PTPRJ: variants seen among roughly 807,000 people sequenced by gnomAD.
PTPRJ encodes receptor-type tyrosine-protein phosphatase eta.
Under a neutral mutation model 141.3 loss-of-function variants are expected in PTPRJ, and 129 were observed. That is an observed-to-expected ratio of 0.91 (90% CI 0.79 to 1.06). PTPRJ has a LOEUF of 1.06. PTPRJ is among the 50% of genes least tolerant of loss of function. The probability of loss-of-function intolerance (pLI) is 0.00; values close to 1 mark genes in which losing one functional copy is unlikely to be tolerated. For synonymous variants in PTPRJ, 610 were observed against 640.5 expected (o/e 0.95, Z 0.72); for missense variants, 1,601 against 1,679.7 (o/e 0.95, Z 0.82).
chr11:48,099,140 T>C (rs1288858259), intron 1 of PTPRJ, among the ~76,000 whole-genome samples: 1 of 152,180 alleles, frequency 6.6e-6, no homozygotes, highest in Admixed American at 6.5e-5. Flanking sequence ...CTAGACCACA[T>C]GGTCCCTGCT....
At chr11:48,104,229 G>C (rs958461576) in intron 1 of PTPRJ, among the ~76,000 whole-genome samples, 1 of 152,248 alleles carries the variant, frequency 6.6e-6, no homozygotes, top group African/African-American at 2.4e-5. Context: ...GGAAGCTTTT[G>C]GGTGTTCCTT....
chr11:48,121,409 G>A, intron 4 of PTPRJ, 143 bp downstream of exon 4: 1 of 942,524 alleles, frequency 1.1e-6, no homozygotes, highest in Non-Finnish European at 1.6e-6. Context: ...GTTGTTTCAA[G>A]CCTGGGATTT....
chr11:48,106,228 T>C (rs909806853), intron 1 of PTPRJ, among the ~76,000 whole-genome samples: 5 of 151,946 alleles, frequency 3.3e-5, no homozygotes, highest in Admixed American at 2.0e-4. Flanking sequence ...AAATGAGGGG[T>C]TATAGGTCGA....
chr11:48,073,430 T>C (rs1405427805), intron 1 of PTPRJ, among the ~76,000 whole-genome samples: 1 of 152,228 alleles, frequency 6.6e-6, no homozygotes, highest in East Asian at 1.9e-4. Flanking sequence ...CATGAACTGC[T>C]TACCTCAGTT....
intron 1 of PTPRJ, among the ~76,000 whole-genome samples, chr11:48,063,242 C>T (rs184712903): frequency 7.9e-5 from 12 of 152,160 alleles, no homozygotes; most frequent in Non-Finnish European, 1.2e-4. Flanking sequence ...GCAGGAGAAT[C>T]GCTTGAATTT....
intron 1 of PTPRJ, among the ~76,000 whole-genome samples, chr11:48,013,942 G>T (rs756159006): frequency 4.6e-5 from 7 of 152,140 alleles, no homozygotes; most frequent in Non-Finnish European, 8.8e-5. Flanking sequence ...GCTGAAGTTG[G>T]GCAGAGCAGG....
intron 8 of PTPRJ, among the ~76,000 whole-genome samples, chr11:48,130,973 A>G (rs2134352310): frequency 6.7e-6 from 1 of 149,462 alleles, no homozygotes; most frequent in Middle Eastern, 3.5e-3. Flanking sequence ...ATACATATAG[A>G]TACACAAATA....
intron 1 of PTPRJ, among the ~76,000 whole-genome samples, chr11:47,982,452 A>G (rs1853935351): frequency 6.6e-6 from 1 of 152,182 alleles, no homozygotes; most frequent in Non-Finnish European, 1.5e-5. Flanking sequence ...TGGGATTCTC[A>G]TTATTAAGGT....
chr11:48,012,590 G>C (rs536143542), intron 1 of PTPRJ, among the ~76,000 whole-genome samples: 7 of 152,202 alleles, frequency 4.6e-5, no homozygotes, highest in Non-Finnish European at 1.0e-4. Context: ...CAACCCTGGC[G>C]GACTGGTGGA....
chr11:48,078,056 T>TC (rs1855455066), intron 1 of PTPRJ, among the ~76,000 whole-genome samples: 1 of 151,796 alleles, frequency 6.6e-6, no homozygotes. Context: ...GTTTTTTTTT[T>TC]CTTTTTCTTT....
intron 1 of PTPRJ, among the ~76,000 whole-genome samples, chr11:48,023,001 G>A (rs1853694884): frequency 1.3e-5 from 2 of 152,106 alleles, no homozygotes; most frequent in Admixed American, 6.5e-5. Context: ...GGTGGGATAG[G>A]GCGGTGGGTA....
At position 48,051,895 on chromosome 11, in the gene PTPRJ, T is replaced by C. The variant is rs755229004; in HGVS notation, c.97-58163T>C. 3.7e-4 allele frequency among the ~76,000 whole-genome samples: 56 copies of C among 152,334 alleles called. 1 individual carries two copies. Among genetic ancestry groups the C allele is most frequent in the Admixed American group, 1.0e-3 (16 of 15,300 alleles). ...TAAGCCTCAGGTTTCTCGTGTTGCA[T>C]AGGCAGATGATAGTCATATCTGAAT... On this transcript the variant is annotated intron_variant, in intron 1 of 24. Transcript: ENST00000418331.
At chr11:48,094,407 C>G (rs904607075) in intron 1 of PTPRJ, among the ~76,000 whole-genome samples, 2 of 152,088 alleles carry the variant, frequency 1.3e-5, no homozygotes, top group Admixed American at 6.5e-5. Flanking sequence ...CATAAATTAA[C>G]CGAGTGGGGA....
At chr11:48,005,087 T>C (rs1854588374) in intron 1 of PTPRJ, among the ~76,000 whole-genome samples, 1 of 152,028 alleles carries the variant, frequency 6.6e-6, no homozygotes, top group Admixed American at 6.6e-5. Context: ...CCAGGCATGG[T>C]GGTGGGTGCC....
At chr11:48,118,672 AC>A (rs1856627169) in intron 3 of PTPRJ, among the ~76,000 whole-genome samples, 1 of 152,242 alleles carries the variant, frequency 6.6e-6, no homozygotes, top group Admixed American at 6.5e-5. Flanking sequence ...AATGTGCTAC[AC>A]CATATTAACA....
intron 1 of PTPRJ, among the ~76,000 whole-genome samples, chr11:48,035,533 T>G (rs1254193535): frequency 2.4e-5 from 3 of 122,810 alleles, no homozygotes; most frequent in Non-Finnish European, 5.0e-5. Context: ...TTTTTCTTTC[T>G]TCTTCTTTTT....
intron 1 of PTPRJ, among the ~76,000 whole-genome samples, chr11:48,108,082 T>A (rs1452844977): frequency 6.6e-6 from 1 of 152,152 alleles, no homozygotes; most frequent in Non-Finnish European, 1.5e-5. Flanking sequence ...ACCTTGTCTC[T>A]TAAGAAAAAA....
chr11:48,056,446 A>G (rs1354541176), intron 1 of PTPRJ, among the ~76,000 whole-genome samples: 2 of 152,200 alleles, frequency 1.3e-5, no homozygotes, highest in Non-Finnish European at 2.9e-5. Flanking sequence ...AGCATTTAGT[A>G]TACAGTTCTT....
At chr11:48,035,917 A>G (rs981785600) in intron 1 of PTPRJ, among the ~76,000 whole-genome samples, 2 of 152,174 alleles carry the variant, frequency 1.3e-5, no homozygotes, top group Non-Finnish European at 2.9e-5. Context: ...CATGTTCTAT[A>G]TCTGTACTAC....
Sources: gnomAD v4.1 joint callset for allele counts (sites outside exome capture counted in the v4.1 genomes callset) on GRCh38, gnomAD v4.1.1 for gene constraint, MANE v1.5 for transcripts, NCBI Gene and HGNC (gene_info 2026-07-23, HGNC 2026-07-21) for gene names.